Variants in HERC2 observed in about 807,000 individuals in gnomAD.
HERC2 encodes E3 ubiquitin-protein ligase HERC2.
Under a neutral mutation model 537.7 loss-of-function variants are expected in HERC2, and 102 were observed. That is an observed-to-expected ratio of 0.19 (90% CI 0.16 to 0.22). HERC2 has a LOEUF of 0.22. Among genes scored for constraint, HERC2 ranks in the 10% least tolerant of loss-of-function variants. The pLI is 1.00. For synonymous variants in HERC2, 2,224 were observed against 2,466.2 expected (o/e 0.90, Z 2.91); for missense variants, 4,236 against 6,198.2 (o/e 0.68, Z 10.63).
rs1372023632 is a variant in HERC2 at position 28,214,753 on chromosome 15, G to C, written c.6260C>G (p.Thr2087Ser). ...LQAVLPSWDK[T>S]ERARDMKCLV... ...GCATTTCATGTCCCTCGCCCTTTCG[G>C]TCTTGTCCCATGATGGAAGGACTGC... The change falls in exon 40 of 93, where the codon ACC (threonine) becomes AGC (serine). Residue 2087 changes from threonine (T) to serine (S), a missense_variant. Coordinates refer to ENST00000261609, the MANE Select transcript of HERC2 (RefSeq NM_004667.6). The C allele has an allele frequency of 6.2e-7, 1 of 1,611,706 alleles. No individual in the cohort carries two copies. Among genetic ancestry groups the C allele is most frequent in the South Asian group, 1.1e-5 (1 of 90,986 alleles).
At chr15:28,315,718 G>A (rs373729311) in intron 2 of HERC2, 75 of 1,013,598 alleles carry the variant, frequency 7.4e-5, no homozygotes, top group East Asian at 4.2e-4. Flanking sequence ...AGGAAGAAGC[G>A]AATGCGCAGG....
chr15:28,157,005 T>C (rs1207174965), intron 69 of HERC2, among the ~76,000 whole-genome samples: 1 of 152,220 alleles, frequency 6.6e-6, no homozygotes, highest in Non-Finnish European at 1.5e-5. Context: ...ATTGAGATAA[T>C]CATGTGGTTT....
At chr15:28,278,818 A>G (rs1255883226) in intron 5 of HERC2, among the ~76,000 whole-genome samples, 1 of 152,172 alleles carries the variant, frequency 6.6e-6, no homozygotes, top group Non-Finnish European at 1.5e-5. Context: ...AACACAAAAT[A>G]TAAGTTTCAT....
rs569055694 is a variant in HERC2, at chr15:28,152,732, C to T, written c.10845G>A (p.Glu3615=). The part of the protein sequence containing the change: ...GRLSSQPVVV[E]SSHPYTDDTS... ...TGTCGTCGGTGTAAGGGTGGCTACT[C>T]TCCACCACCACAGGCTGAGAAGAGA... The change falls in exon 70 of 93, where the codon GAG becomes GAA. Residue 3615 remains glutamate, a synonymous_variant. Coordinates refer to ENST00000261609, the MANE Select transcript of HERC2 (RefSeq NM_004667.6). The T allele has an allele frequency of 6.4e-7, 1 of 1,552,014 alleles. No homozygotes were observed. Among genetic ancestry groups the T allele is most frequent in the African/African-American group, 1.4e-5 (1 of 73,196 alleles).
In HERC2 at chr15:28,175,598, G is replaced by C. The variant is rs779177106; in HGVS notation, c.9745C>G (p.Gln3249Glu). Reference sequence around the variant, plus strand: ...TTCCCTCTCAGCCCTTCCACCACCTGTGGTTTCCGCACGTGCACGTCAGAG... The same window carrying C: ...TTCCCTCTCAGCCCTTCCACCACCTCTGGTTTCCGCACGTGCACGTCAGAG... ...HGSDVHVRKP[Q>E]VVEGLRGKKI... The change falls in exon 64 of 93, where the codon CAG becomes GAG. Residue 3249 changes from glutamine to glutamate, a missense_variant. Gln to Glu is a conservative substitution (Grantham distance 29, BLOSUM62 2). Coordinates refer to ENST00000261609, the MANE Select transcript of HERC2 (RefSeq NM_004667.6). The C allele has an allele frequency of 6.2e-7, 1 of 1,614,156 alleles. No individual in the cohort carries two copies. Among genetic ancestry groups the C allele is most frequent in the Admixed American group, 1.7e-5 (1 of 60,026 alleles).
At position 28,274,273 on chromosome 15, in the gene HERC2, AGAAAGG is replaced by A; in HGVS notation, c.800+12_800+17del. 3.7e-6 allele frequency: 6 copies of A among 1,613,486 alleles called. No individual in the cohort carries two copies. The highest frequency in any genetic ancestry group is 5.1e-6 in the Non-Finnish European group (6 of 1,179,528). On this transcript the variant is annotated intron_variant, in intron 7 of 92. Transcript: ENST00000261609. ...GCCAGCTGTCTGCGTGCAGAAGGCA[AGAAAGG>A]AAAGAACTCACCCCGTCACGACGGA... is the stretch of plus-strand genomic sequence containing the variant.
intron 44 of HERC2, among the ~76,000 whole-genome samples, chr15:28,208,516 C>T (rs181841094): frequency 5.3e-5 from 8 of 152,102 alleles, no homozygotes; most frequent in African/African-American, 1.9e-4. Context: ...GTGTATCACC[C>T]GAAGGTCAAT....
Position 28,274,261 on chromosome 15 carries a change from G to A in HERC2, c.800+30C>T, listed in dbSNP as rs371118987. 2.3e-4 allele frequency: 373 copies of A among 1,610,920 alleles called. 2 individuals carry two copies. In the South Asian group the frequency reaches 2.7e-3, roughly 12 times the overall value. The stretch of plus-strand genomic sequence containing the variant: ...AGCCTCAAGCAGGCCAGCTGTCTGC[G>A]TGCAGAAGGCAAGAAAGGAAAGAAC... On this transcript the variant is annotated intron_variant, in intron 7 of 92. Transcript: ENST00000261609.
chr15:28,189,107 C>A (rs1896595124), intron 55 of HERC2, among the ~76,000 whole-genome samples: 1 of 151,970 alleles, frequency 6.6e-6, no homozygotes, highest in Admixed American at 6.6e-5. Flanking sequence ...AAAGAAAATT[C>A]CCATAACAAA....
At chr15:28,306,341 T>C (rs866949462) in intron 2 of HERC2, among the ~76,000 whole-genome samples, 2 of 152,194 alleles carry the variant, frequency 1.3e-5, no homozygotes, top group Non-Finnish European at 2.9e-5. Flanking sequence ...TGGTTTTTTA[T>C]CCTTCATTCT....
chr15:28,244,013 A>G (rs1596312105), intron 23 of HERC2, among the ~76,000 whole-genome samples: 2 of 152,306 alleles, frequency 1.3e-5, no homozygotes, highest in East Asian at 3.9e-4. Context: ...GTGTCTCTAC[A>G]AAAAATTTAA....
intron 4 of HERC2, among the ~76,000 whole-genome samples, chr15:28,292,485 T>C (rs1462327166): frequency 3.3e-5 from 5 of 152,110 alleles, no homozygotes; most frequent in African/African-American, 1.2e-4. Context: ...TAAAACAATG[T>C]AGCCACTGTG....
At chr15:28,179,679 G>C (rs2140175969) in intron 57 of HERC2, among the ~76,000 whole-genome samples, 1 of 152,320 alleles carries the variant, frequency 6.6e-6, no homozygotes, top group East Asian at 1.9e-4. Flanking sequence ...GATTCCAGAA[G>C]GCACTGCTGT....
At position 28,201,437 on chromosome 15, in the gene HERC2, G is replaced by C; in HGVS notation, c.7716+19C>G. 6.8e-7 allele frequency: 1 copy of C among 1,460,128 alleles called. No individual in the cohort carries two copies. The highest frequency in any genetic ancestry group is 1.1e-5 in the South Asian group (1 of 87,690). 90.4% of individuals were successfully genotyped at this position (1,460,128 alleles called of 1,614,324 possible). On this transcript the variant is annotated intron_variant, in intron 48 of 92. Transcript: ENST00000261609. ...GAATGAAAAACGGATCGAGGCTCCAGCTTAAGACAATTACTCACCTGAATA... is the reference window on the plus strand; with the variant it reads ...GAATGAAAAACGGATCGAGGCTCCACCTTAAGACAATTACTCACCTGAATA...
At position 28,270,705 on chromosome 15, in the gene HERC2, G is replaced by T. The variant is rs1219941096; in HGVS notation, c.1247C>A (p.Thr416Lys). Residue 416 changes from threonine to lysine, a missense_variant, in exon 10 of 93, where the codon ACA becomes AAA. This residue lies in a region of HERC2 where 491 missense variants were observed against 559.3 expected (regional missense o/e 0.88). Transcript: ENST00000261609. ...TTCTTGCACACACACCTTATGAGATGTCGGAGAGCTACACAGCGGAGGCAT... is the reference window on the plus strand; with the variant it reads ...TTCTTGCACACACACCTTATGAGATTTCGGAGAGCTACACAGCGGAGGCAT... Reference protein sequence around the residue: ...PCMPPLCSSPTSHKGSLQEVI... With the variant: ...PCMPPLCSSPKSHKGSLQEVI... The T allele has an allele frequency of 6.2e-7, 1 of 1,613,714 alleles. No individual in the cohort carries two copies. Among genetic ancestry groups the T allele is most frequent in the African/African-American group, 1.3e-5 (1 of 74,882 alleles).
Position 28,117,239 on chromosome 15 carries a change from C to G in HERC2, c.13273-85G>C, listed in dbSNP as rs58656163. ...GGGATATGCGGCACTGGCGAATGCA[C>G]GAGGAGGAGGCACCGTGCATGGGCC... On this transcript the variant is annotated intron_variant, in intron 86 of 92. Transcript: ENST00000261609. 4.4e-6 allele frequency: 6 copies of G among 1,356,958 alleles called. 1 individual carries two copies. Among genetic ancestry groups the G allele is most frequent in the East Asian group, 2.3e-5 (1 of 43,418 alleles). The allele number at this position is 1,356,958 out of a possible 1,614,324, so 84.1% of individuals were successfully genotyped here.
chr15:28,135,779 A>T (rs1169944340), intron 78 of HERC2, 87 bp from the exon 79 acceptor site: 1 of 959,714 alleles, frequency 1.0e-6, no homozygotes, highest in Non-Finnish European at 1.6e-6. Flanking sequence ...TCCATGCTTT[A>T]GACATTTTTA....
At chr15:28,170,191 G>T (rs1894550424) in intron 65 of HERC2, among the ~76,000 whole-genome samples, 1 of 152,176 alleles carries the variant, frequency 6.6e-6, no homozygotes, top group South Asian at 2.1e-4. Context: ...TTTGTCAACA[G>T]ACAAGATTAT....
intron 47 of HERC2, 85 bp from the exon 48 acceptor site, chr15:28,201,639 A>C (rs1897922049): frequency 5.7e-6 from 5 of 878,250 alleles, no homozygotes. Context: ...GAAATCTATA[A>C]TATTAAAAAG....
Sources: gnomAD v4.1 joint callset for allele counts (sites outside exome capture counted in the v4.1 genomes callset) on GRCh38, gnomAD v4.1.1 for gene constraint, gnomAD v4.1.1 regional missense constraint, MANE v1.5 for transcripts, NCBI Gene and HGNC (gene_info 2026-07-23, HGNC 2026-07-21) for gene names.